The following MPZL1 variants were observed in gnomAD, a reference collection of about 807,000 sequenced individuals.
MPZL1 encodes myelin protein zero like 1, also known as myelin protein zero-like protein 1.
Under a neutral mutation model 29.3 loss-of-function variants are expected in MPZL1, and 16 were observed. That is an observed-to-expected ratio of 0.55 (90% CI 0.37 to 0.83). MPZL1 has a LOEUF of 0.83. Ranked by LOEUF, MPZL1 falls within the 40% of genes least tolerant of loss-of-function variation. The pLI is 0.00. For synonymous variants in MPZL1, 143 were observed against 132.0 expected (o/e 1.08, Z -0.57); for missense variants, 279 against 332.9 (o/e 0.84, Z 1.26).
At chr1:167,781,973 CTATT>C (rs1661506413) in intron 5 of MPZL1, among the ~76,000 whole-genome samples, 1 of 152,018 alleles carries the variant, frequency 6.6e-6, no homozygotes, top group Non-Finnish European at 1.5e-5. Context: ...TGCATTTTAT[CTATT>C]TATCTTTTTA....
chr1:167,739,144 TGTTA>T (rs1422859202), intron 1 of MPZL1, among the ~76,000 whole-genome samples: 1 of 151,604 alleles, frequency 6.6e-6, no homozygotes, highest in Non-Finnish European at 1.5e-5. Context: ...GGTTTCACCA[TGTTA>T]GTCAACCTGG....
In MPZL1 at chr1:167,765,657, C is replaced by G. The variant is rs757868400; in HGVS notation, c.166C>G (p.Leu56Val). Residue 56 changes from leucine (L) to valine (V), a missense_variant, in exon 2 of 6, where the codon CTG (leucine) becomes GTG (valine). Physicochemically the swap from Leu to Val is conservative, Grantham distance 32. Coordinates refer to ENST00000359523, the MANE Select transcript of MPZL1 (RefSeq NM_003953.6). The part of the protein sequence containing the change: ...IFVANGTQGK[L>V]TCKFKSTSTT... ...CGTGGCAAATGGTACACAAGGGAAG[C>G]TGACCTGCAAGTTCAAGTCTACTAG... 3 of 1,613,488 alleles carry G rather than the reference C, an allele frequency of 1.9e-6. No homozygotes were observed. Among genetic ancestry groups the G allele is most frequent in the Admixed American group, 3.3e-5 (2 of 59,922 alleles).
chr1:167,758,541 T>C (rs1349876717), intron 1 of MPZL1, among the ~76,000 whole-genome samples: 1 of 152,224 alleles, frequency 6.6e-6, no homozygotes, highest in Non-Finnish European at 1.5e-5. Flanking sequence ...TGCTTTTTTT[T>C]TTCTTTCTGA....
chr1:167,733,074 T>C (rs1660303305), intron 1 of MPZL1, among the ~76,000 whole-genome samples: 1 of 152,244 alleles, frequency 6.6e-6, no homozygotes, highest in South Asian at 2.1e-4. Context: ...CACATTAGAC[T>C]TTTTGTTCAC....
At chr1:167,740,079 G>A (rs1045621009) in intron 1 of MPZL1, among the ~76,000 whole-genome samples, 2 of 152,086 alleles carry the variant, frequency 1.3e-5, no homozygotes, top group African/African-American at 4.8e-5. Context: ...GCACTTACCT[G>A]GCAATCCCTC....
rs1022444255 is a variant in MPZL1 at position 167,791,655 on chromosome 1, T to C, written c.*3734T>C. 2.0e-5 allele frequency: 3 copies of C among 152,252 alleles called. No homozygotes were observed. Among genetic ancestry groups the C allele is most frequent in the Non-Finnish European group, 2.9e-5 (2 of 68,048 alleles). 9.4% of individuals were successfully genotyped at this position (152,252 alleles called of 1,614,324 possible). ...TCCACAGCCTTGTTCCTAACCACTA[T>C]GCCCTGTGGCCTCTCACACCAAAAG... On this transcript the variant is annotated 3_prime_UTR_variant, in exon 6 of 6. Coordinates refer to ENST00000359523, the MANE Select transcript of MPZL1 (RefSeq NM_003953.6).
intron 5 of MPZL1, among the ~76,000 whole-genome samples, chr1:167,785,067 C>G (rs920050520): frequency 6.6e-6 from 1 of 152,210 alleles, no homozygotes; most frequent in African/African-American, 2.4e-5. Context: ...TATCAATTAT[C>G]TACTGCTACG....
At chr1:167,753,451 A>G (rs1026544561) in intron 1 of MPZL1, among the ~76,000 whole-genome samples, 1 of 152,234 alleles carries the variant, frequency 6.6e-6, no homozygotes, top group Non-Finnish European at 1.5e-5. Context: ...GATCTCATTA[A>G]AAACGTGTCC....
chr1:167,744,331 G>A (rs190314329), intron 1 of MPZL1, among the ~76,000 whole-genome samples: 1 of 152,016 alleles, frequency 6.6e-6, no homozygotes. Context: ...TTACAAAGGG[G>A]ACAACTTTTG....
intron 5 of MPZL1, among the ~76,000 whole-genome samples, chr1:167,785,775 G>C (rs1039770041): frequency 1.3e-5 from 2 of 152,166 alleles, no homozygotes; most frequent in Admixed American, 6.5e-5. Context: ...GTTTAATTCT[G>C]TTCCTAGTAG....
chr1:167,775,143 A>G (rs1351632406), intron 4 of MPZL1, among the ~76,000 whole-genome samples: 1 of 152,170 alleles, frequency 6.6e-6, no homozygotes, highest in Non-Finnish European at 1.5e-5. Context: ...GTATTATGTT[A>G]TCAATATTTA....
At position 167,734,697 on chromosome 1, in the gene MPZL1, C is replaced by T. The variant is rs531106519; in HGVS notation, c.91+12455C>T. On this transcript the variant is annotated intron_variant, in intron 1 of 5. Transcript: ENST00000359523. ...TTATAGATCTAGAAGCAAAGAGAGG[C>T]GTTGGGGGTAGGTCCTGAGGAGAAT... 2.0e-3 allele frequency among the ~76,000 whole-genome samples: 308 copies of T among 152,186 alleles called. 1 individual carries two copies. The highest frequency in any genetic ancestry group is 3.5e-3 in the Non-Finnish European group (241 of 68,010).
At position 167,776,056 on chromosome 1, in the gene MPZL1, T is replaced by C. The variant is rs753783052; in HGVS notation, c.606-8T>C. On this transcript the variant is annotated splice_region_variant and splice_polypyrimidine_tract_variant and intron_variant, in intron 4 of 5. Coordinates refer to ENST00000359523, the MANE Select transcript of MPZL1 (RefSeq NM_003953.6). ...TTACATTTGTTCTTCAAATTGCCAA[T>C]TCATCAGCTGCAGTACATCAGAGAG... 2 of 1,565,142 alleles carry C rather than the reference T, an allele frequency of 1.3e-6. No individual in the cohort carries two copies. The highest frequency in any genetic ancestry group is 8.7e-7 in the Non-Finnish European group (1 of 1,154,540).
chr1:167,757,897 C>T (rs530354433), intron 1 of MPZL1, among the ~76,000 whole-genome samples: 1 of 152,118 alleles, frequency 6.6e-6, no homozygotes, highest in South Asian at 2.1e-4. Context: ...CACCTTTAGT[C>T]CCAGCACTTT....
At chr1:167,772,251 T>C (rs754366184) in intron 2 of MPZL1, 24 bp from the exon 3 acceptor site, 1 of 1,564,036 alleles carries the variant, frequency 6.4e-7, no homozygotes, top group East Asian at 2.2e-5. Flanking sequence ...GAATAGTTCA[T>C]GTGTTCCTTT....
intron 1 of MPZL1, among the ~76,000 whole-genome samples, chr1:167,738,114 C>T (rs1324281425): frequency 1.3e-5 from 2 of 151,966 alleles, no homozygotes; most frequent in African/African-American, 4.8e-5. Context: ...TTTTTAGAGA[C>T]GAGGTTCCAC....
intron 1 of MPZL1, among the ~76,000 whole-genome samples, chr1:167,724,280 G>T (rs1660098234): frequency 6.6e-6 from 1 of 152,198 alleles, no homozygotes; most frequent in Non-Finnish European, 1.5e-5. Flanking sequence ...GTGTATATAA[G>T]GGGAATGGTG....
chr1:167,750,591 C>T (rs1357619957), intron 1 of MPZL1, among the ~76,000 whole-genome samples: 1 of 152,102 alleles, frequency 6.6e-6, no homozygotes, highest in African/African-American at 2.4e-5. Context: ...ATATGTGTTT[C>T]TGTACCACAT....
At chr1:167,765,854 A>T in intron 2 of MPZL1, 105 bp downstream of exon 2, 1 of 1,141,540 alleles carries the variant, frequency 8.8e-7, no homozygotes, top group Non-Finnish European at 1.2e-6. Context: ...AAATGAGTGT[A>T]TTTTTTATCT....
Sources: allele counts gnomAD v4.1 joint callset (sites outside exome capture counted in the v4.1 genomes callset), GRCh38; gene constraint gnomAD v4.1.1; transcripts MANE v1.5; gene names NCBI Gene and HGNC (gene_info 2026-07-23, HGNC 2026-07-21).